Variants in SEC24A observed in about 807,000 individuals in gnomAD.
The protein encoded by SEC24A is SEC24 homolog A, COPII component.
In SEC24A, 93 loss-of-function variants were observed where a neutral mutation model predicts 129.4. The observed-to-expected ratio is 0.72, with a 90% CI of 0.61 to 0.85. The LOEUF (loss-of-function observed/expected upper bound fraction) is 0.85. Ranked by LOEUF, SEC24A falls within the 40% of genes least tolerant of loss-of-function variation. SEC24A has a pLI of 0.00. For synonymous variants in SEC24A, 460 were observed against 467.3 expected, an observed-to-expected ratio of 0.98 and a Z score of 0.20; for missense variants, 1,264 against 1,307.4, an observed-to-expected ratio of 0.97 and a Z score of 0.51.
chr5:134,689,125 A>T (rs1360371391), intron 11 of SEC24A, among the ~76,000 whole-genome samples: 2 of 152,354 alleles, frequency 1.3e-5, no homozygotes, highest in African/African-American at 4.8e-5. Context: ...TTAACTTGAA[A>T]TGGACTAAAG....
At chr5:134,679,805 T>TAA (rs765354080) in intron 8 of SEC24A, 77 bp downstream of exon 8, 390 of 930,830 alleles carry the variant, frequency 4.2e-4, no homozygotes, top group Middle Eastern at 2.3e-3. Flanking sequence ...AATGCACAGT[T>TAA]AAAAAAAAAA....
chr5:134,651,934 CTTT>C (rs11294954), intron 1 of SEC24A, among the ~76,000 whole-genome samples: 10 of 135,204 alleles, frequency 7.4e-5, no homozygotes, highest in Admixed American at 1.5e-4. Context: ...GTTGAAAACT[CTTT>C]TTTTTTTTTT....
chr5:134,691,551 G>A (rs1158686005), intron 11 of SEC24A, among the ~76,000 whole-genome samples: 1 of 146,610 alleles, frequency 6.8e-6, no homozygotes, highest in Non-Finnish European at 1.5e-5. Context: ...CACCCAGGCT[G>A]GAGTGCAGTG....
intron 1 of SEC24A, among the ~76,000 whole-genome samples, chr5:134,656,260 T>C (rs914958411): frequency 5.3e-5 from 8 of 151,872 alleles, no homozygotes; most frequent in African/African-American, 1.9e-4. Context: ...TTTTTTGTAT[T>C]TTTAGAAGAG....
At chr5:134,700,357 C>T (rs1751968424) in intron 15 of SEC24A, among the ~76,000 whole-genome samples, 1 of 151,790 alleles carries the variant, frequency 6.6e-6, no homozygotes, top group South Asian at 2.1e-4. Context: ...ATAACTGGGA[C>T]CACAGGCGCA....
In SEC24A at chr5:134,726,111, GTTTGA is replaced by G. The variant is rs1224284279; in HGVS notation, c.*1022_*1026del. 1 of 152,476 alleles carries G rather than the reference GTTTGA, an allele frequency of 6.6e-6. No homozygotes were observed. Among genetic ancestry groups the G allele is most frequent in the Non-Finnish European group, 1.5e-5 (1 of 67,944 alleles). The allele number at this position is 152,476 out of a possible 1,614,324, so 9.4% of individuals were successfully genotyped here. On this transcript the variant is annotated 3_prime_UTR_variant, in exon 23 of 23. Transcript: ENST00000398844. ...AATCTATGAAAGCATAAATGCTGCT[GTTTGA>G]TTTGGTGGATATTAAGATTATACAC...
At chr5:134,648,409 A>C (rs1488273435), upstream of SEC24A, 1 of 152,344 alleles carries the variant, frequency 6.6e-6, no homozygotes, top group Non-Finnish European at 1.5e-5. Flanking sequence ...CGGTCTCAAC[A>C]GAGGACGATG....
chr5:134,672,016 CTTATTTAT>C, intron 4 of SEC24A, 130 bp downstream of exon 4: 2 of 612,228 alleles, frequency 3.3e-6, no homozygotes, highest in Non-Finnish European at 5.7e-6. Context: ...ATACTATTAA[CTTATTTAT>C]TTATTTATTT....
chr5:134,723,970 T>C (rs912600055), intron 22 of SEC24A, among the ~76,000 whole-genome samples: 8 of 152,190 alleles, frequency 5.3e-5, no homozygotes, highest in African/African-American at 1.9e-4. Context: ...TTCCTTGTGG[T>C]GAGAACATTT....
In SEC24A at chr5:134,676,019, A is replaced by G; in HGVS notation, c.1152-4A>G. ...ACTGATACATACTTTTTACTTTGATATAGGTTATTTCGATGCACGCTGACT... is the reference window on the plus strand; with the variant it reads ...ACTGATACATACTTTTTACTTTGATGTAGGTTATTTCGATGCACGCTGACT... On this transcript the variant is annotated splice_polypyrimidine_tract_variant and splice_region_variant and intron_variant, in intron 6 of 22. Transcript: ENST00000398844. 1 of 1,587,298 alleles carries G rather than the reference A, an allele frequency of 6.3e-7. No homozygotes were observed. The highest frequency in any genetic ancestry group is 2.3e-5 in the East Asian group (1 of 44,334).
chr5:134,694,515 C>T (rs1751759065), intron 13 of SEC24A, among the ~76,000 whole-genome samples: 1 of 151,984 alleles, frequency 6.6e-6, no homozygotes, highest in South Asian at 2.1e-4. Flanking sequence ...GGTGTGGTGG[C>T]GGGCGCTGTA....
At chr5:134,702,416 TAA>T (rs1221173199) in intron 15 of SEC24A, among the ~76,000 whole-genome samples, 2 of 152,236 alleles carry the variant, frequency 1.3e-5, no homozygotes, top group Admixed American at 6.5e-5. Flanking sequence ...TTGATAAAGC[TAA>T]AGTCTTCCTG....
chr5:134,704,321 G>A (rs907554560), intron 16 of SEC24A, among the ~76,000 whole-genome samples: 2 of 152,112 alleles, frequency 1.3e-5, no homozygotes, highest in African/African-American at 4.8e-5. Context: ...GCCCGCCTCT[G>A]CCTCCCAACG....
chr5:134,686,281 C>T (rs970665689), intron 9 of SEC24A, among the ~76,000 whole-genome samples: 6 of 151,474 alleles, frequency 4.0e-5, no homozygotes, highest in African/African-American at 1.5e-4. Flanking sequence ...GTCGCCCAGG[C>T]TAGAGTGCAG....
rs1185682586 is a variant in SEC24A at position 134,727,604 on chromosome 5, T to C, written c.*2510T>C. On this transcript the variant is annotated 3_prime_UTR_variant, in exon 23 of 23. Transcript: ENST00000398844. ...GACCACCAAATGTGATTTCAAAATT[T>C]TGTTAACTATTACAAATGTAATCCT... 1 of 152,590 alleles carries C rather than the reference T, an allele frequency of 6.6e-6. No homozygotes were observed. Among genetic ancestry groups the C allele is most frequent in the Non-Finnish European group, 1.5e-5 (1 of 68,014 alleles). The allele number at this position is 152,590 out of a possible 1,614,324, so 9.5% of individuals were successfully genotyped here.
rs1301124937 is a variant in SEC24A at position 134,696,998 on chromosome 5, G to A, written c.1987-128G>A. Reference sequence around the variant, plus strand: ...AATCAAGTAGTACCACAAAGGAAAAGGACTTTGTAGAATGCCCAGAAATAA... The same window carrying A: ...AATCAAGTAGTACCACAAAGGAAAAAGACTTTGTAGAATGCCCAGAAATAA... On this transcript the variant is annotated intron_variant, in intron 13 of 22. Transcript: ENST00000398844. 2.3e-5 allele frequency: 12 copies of A among 527,010 alleles called. No individual in the cohort carries two copies. In the East Asian group the frequency reaches 2.6e-4, roughly 12 times the overall value. The allele number at this position is 527,010 out of a possible 1,614,324, so 32.6% of individuals were successfully genotyped here.
At chr5:134,650,401 G>A (rs150115263) in intron 1 of SEC24A, among the ~76,000 whole-genome samples, 45 of 152,242 alleles carry the variant, frequency 3.0e-4, no homozygotes, top group African/African-American at 1.1e-3. Context: ...ATCCTCAAAT[G>A]TGCTTCAACA....
At chr5:134,719,981 G>A (rs1039634742) in intron 20 of SEC24A, among the ~76,000 whole-genome samples, 3 of 151,356 alleles carry the variant, frequency 2.0e-5, no homozygotes, top group African/African-American at 7.3e-5. Flanking sequence ...GCAAAACTAC[G>A]TCTCAAAAAA....
intron 15 of SEC24A, chr5:134,701,066 C>T (rs974242196): frequency 2.0e-5 from 3 of 151,640 alleles, no homozygotes; most frequent in East Asian, 3.9e-4. Flanking sequence ...AGGCTGGTCT[C>T]GAACTCCTGA....
Sources: gnomAD v4.1 joint callset for allele counts (sites outside exome capture counted in the v4.1 genomes callset) on GRCh38, gnomAD v4.1.1 for gene constraint, MANE v1.5 for transcripts, NCBI Gene and HGNC (gene_info 2026-07-23, HGNC 2026-07-21) for gene names.